The following JPT2 variants were observed in gnomAD, a reference collection of about 807,000 sequenced individuals.
JPT2 encodes the protein CRAMP_1 like.
Under a neutral mutation model 15.9 loss-of-function variants are expected in JPT2, and 9 were observed. That is an observed-to-expected ratio of 0.57 (90% confidence interval 0.34 to 0.99). JPT2 has a LOEUF of 0.99. JPT2 is among the 50% of genes least tolerant of loss of function. JPT2 has a pLI of 0.02. For synonymous variants in JPT2, 95 were observed against 91.7 expected (o/e 1.04, Z -0.21); for missense variants, 267 against 252.1 (o/e 1.06, Z -0.40).
At chr16:1,689,858 G>A (rs1447450060) in intron 2 of JPT2, 1 of 152,154 alleles carries the variant, frequency 6.6e-6, no homozygotes, top group Admixed American at 6.5e-5. Context: ...AGGCAGTCTG[G>A]CCACAGGACA....
intron 1 of JPT2, among the ~76,000 whole-genome samples, chr16:1,678,605 G>T (rs1279096322): frequency 2.0e-5 from 3 of 152,210 alleles, no homozygotes; most frequent in Non-Finnish European, 4.4e-5. Context: ...GGGCGGGGAG[G>T]GGCGCCCGGG....
intron 3 of JPT2, 30 bp downstream of exon 3, chr16:1,692,015 A>G (rs751032561): frequency 6.2e-7 from 1 of 1,612,444 alleles, no homozygotes; most frequent in Non-Finnish European, 8.5e-7. Context: ...GTGACAGCGC[A>G]GCAGCGGGTA....
At chr16:1,684,094 A>G (rs1413577858) in intron 1 of JPT2, among the ~76,000 whole-genome samples, 3 of 152,240 alleles carry the variant, frequency 2.0e-5, no homozygotes, top group African/African-American at 2.4e-5. Flanking sequence ...GAATAATGAC[A>G]GAAAAGAAGT....
At chr16:1,683,185 C>T (rs569331378) in intron 1 of JPT2, among the ~76,000 whole-genome samples, 61 of 152,236 alleles carry the variant, frequency 4.0e-4, no homozygotes, top group Non-Finnish European at 8.4e-4. Flanking sequence ...ACCGTGTTAG[C>T]CAGGATGGTC....
Position 1,699,174 on chromosome 16 carries a change from A to G in JPT2, c.*176A>G. 6 of 681,274 alleles carry G rather than the reference A, an allele frequency of 8.8e-6. No homozygotes were observed. The highest frequency in any genetic ancestry group is 1.8e-5 in the African/African-American group (1 of 55,988). 42.2% of individuals were successfully genotyped at this position (681,274 alleles called of 1,614,324 possible). A position where few individuals can be genotyped will look rare whatever the true frequency, so the allele number is the denominator to read the frequency against. On this transcript the variant is annotated 3_prime_UTR_variant, in exon 5 of 5. Transcript: ENST00000248098. ...CTGCTTGGAGACCCGTGCCTTCCAG[A>G]TGGCTGGGAGATGCCTCTGTGGGGA... is the stretch of plus-strand genomic sequence containing the variant.
Position 1,688,639 on chromosome 16 carries a change from C to T in JPT2, c.193+3052C>T, listed in dbSNP as rs867367369. ...CTGTAATCCCAGCATTTTGGGAGGC[C>T]GAGGTGGGAGGATTGCCTGAGCCCA... On this transcript the variant is annotated intron_variant, in intron 2 of 4. Coordinates refer to ENST00000248098, the MANE Select transcript of JPT2 (RefSeq NM_144570.3). 49 of 152,182 alleles carry T rather than the reference C, an allele frequency of 3.2e-4. 1 individual carries two copies. Among genetic ancestry groups the T allele is most frequent in the African/African-American group, 1.1e-3 (46 of 41,516 alleles). The allele number at this position is 152,182 out of a possible 1,614,324, so 9.4% of individuals were successfully genotyped here.
chr16:1,684,718 G>C (rs758696368), intron 1 of JPT2, among the ~76,000 whole-genome samples: 1 of 151,908 alleles, frequency 6.6e-6, no homozygotes, highest in Non-Finnish European at 1.5e-5. Flanking sequence ...CCTCCAGCCT[G>C]GGCAACAAGA....
chr16:1,699,149 C>A lies in JPT2; in HGVS notation c.*151C>A. 1.2e-6 allele frequency: 1 copy of A among 819,108 alleles called. No individual in the cohort carries two copies. The highest frequency in any genetic ancestry group is 2.0e-6 in the Non-Finnish European group (1 of 489,940). 50.7% of individuals were successfully genotyped at this position (819,108 alleles called of 1,614,324 possible). A position where few individuals can be genotyped will look rare whatever the true frequency, so the allele number is the denominator to read the frequency against. On this transcript the variant is annotated 3_prime_UTR_variant, in exon 5 of 5. Transcript: ENST00000248098. ...CAGCGTCTCCTGGCCGTCATGACAG[C>A]TGCTTGGAGACCCGTGCCTTCCAGA...
intron 3 of JPT2, 89 bp from the exon 4 acceptor site, chr16:1,697,723 A>C: frequency 8.1e-7 from 1 of 1,229,782 alleles, no homozygotes. Flanking sequence ...GTAAATTAAA[A>C]GGTTATATGG....
intron 1 of JPT2, chr16:1,680,425 G>A: frequency 8.4e-7 from 1 of 1,193,170 alleles, no homozygotes; most frequent in Non-Finnish European, 1.1e-6. Flanking sequence ...TTCTGGACAA[G>A]GTGTTGAGAA....
At chr16:1,688,115 G>A (rs528148668) in intron 2 of JPT2, among the ~76,000 whole-genome samples, 71 of 152,262 alleles carry the variant, frequency 4.7e-4, no homozygotes, top group Admixed American at 1.7e-3. Flanking sequence ...AATATTTACC[G>A]GGGACTGTGC....
intron 2 of JPT2, chr16:1,689,275 G>C (rs2037088594): frequency 6.6e-6 from 1 of 151,258 alleles, no homozygotes; most frequent in African/African-American, 2.4e-5. Flanking sequence ...CAGGAACATT[G>C]CAGTGGGGGC....
intron 3 of JPT2, among the ~76,000 whole-genome samples, chr16:1,693,260 C>G (rs2037116936): frequency 1.3e-5 from 2 of 152,134 alleles, no homozygotes; most frequent in Admixed American, 1.3e-4. Context: ...CCACGTCCGG[C>G]TAATTTTTGT....
chr16:1,699,016 C>T lies in JPT2; in HGVS notation c.*18C>T, dbSNP rs777780335. ...TCTACTAAGAGAAGCCACTGCTCCA[C>T]CCGGAGCCAGACCAGAAACTCAAGA... On this transcript the variant is annotated 3_prime_UTR_variant, in exon 5 of 5. Coordinates refer to ENST00000248098, the MANE Select transcript of JPT2 (RefSeq NM_144570.3). 16 of 1,610,000 alleles carry T rather than the reference C, an allele frequency of 9.9e-6. No individual in the cohort carries two copies. The South Asian group carries it at 1.5e-4, about 15-fold the overall frequency.
At chr16:1,688,870 GTAATAGACA>G (rs1318282644) in intron 2 of JPT2, 3 of 152,176 alleles carry the variant, frequency 2.0e-5, no homozygotes, top group Admixed American at 6.5e-5. Flanking sequence ...AAGTAAAATG[GTAATAGACA>G]TATGTGGTAT....
At chr16:1,696,359 C>T (rs1272581213) in intron 3 of JPT2, among the ~76,000 whole-genome samples, 3 of 151,950 alleles carry the variant, frequency 2.0e-5, no homozygotes, top group East Asian at 3.9e-4. Context: ...GGTGAAACCC[C>T]GTCTCTACTA....
At chr16:1,702,844 G>C (rs944788013), downstream of JPT2, among the ~76,000 whole-genome samples, 4 of 152,170 alleles carry the variant, frequency 2.6e-5, no homozygotes, top group Non-Finnish European at 5.9e-5. Context: ...AATTAAAGTT[G>C]AATTTTAGAA....
intron 3 of JPT2, chr16:1,692,409 G>A (rs1420337520): frequency 1.1e-5 from 2 of 189,692 alleles, no homozygotes; most frequent in Admixed American, 5.4e-5. Context: ...CAAGGTCCTC[G>A]GCTGGTTACC....
downstream of JPT2, chr16:1,702,321 A>G (rs2037185164): frequency 3.3e-6 from 1 of 305,358 alleles, no homozygotes; most frequent in African/African-American, 2.2e-5. Context: ...GTATAGAGCG[A>G]GTTCCAAGAA....
Sources: gnomAD v4.1 joint callset for allele counts (sites outside exome capture counted in the v4.1 genomes callset) on GRCh38, gnomAD v4.1.1 for gene constraint, MANE v1.5 for transcripts, NCBI Gene and HGNC (gene_info 2026-07-23, HGNC 2026-07-21) for gene names.